Variants in PARD3B observed in about 807,000 individuals in gnomAD.
PARD3B encodes the protein partitioning defective 3 homolog B.
In PARD3B, 103 loss-of-function variants were observed where a neutral mutation model predicts 130.2. That is an observed-to-expected ratio of 0.79 (90% CI 0.67 to 0.93). The LOEUF (loss-of-function observed/expected upper bound fraction) is 0.93. Among genes scored for constraint, PARD3B ranks in the 40% least tolerant of loss-of-function variants. PARD3B has a pLI of 0.00. For synonymous variants in PARD3B, 583 were observed against 553.2 expected, an observed-to-expected ratio of 1.05 and a Z score of -0.76; for missense variants, 1,609 against 1,499.2, an observed-to-expected ratio of 1.07 and a Z score of -1.21.
Position 205,276,781 on chromosome 2 carries a change from G to A in PARD3B, c.2186-23749G>A, listed in dbSNP as rs937302957. ...TGCTAGAGAGACCTATAGATTGGTG[G>A]TTAACCACATGGATATTGCTGTCAG... On this transcript the variant is annotated intron_variant, in intron 16 of 22. Coordinates refer to ENST00000406610, the MANE Select transcript of PARD3B (RefSeq NM_001302769.2). This position sits in a 1 kb window ranked among gnomAD's most constrained non-coding sequence, Gnocchi z 5.0. Among the ~76,000 whole-genome samples the A allele has an allele frequency of 2.0e-5, 3 of 152,208 alleles. No homozygotes were observed. The highest frequency in any genetic ancestry group is 2.9e-5 in the Non-Finnish European group (2 of 68,042).
intron 2 of PARD3B, among the ~76,000 whole-genome samples, chr2:204,841,285 G>A (rs2044251841): frequency 6.6e-6 from 1 of 152,048 alleles, no homozygotes; most frequent in African/African-American, 2.4e-5. Flanking sequence ...AGCCTCAAGG[G>A]TATCCTTGGG....
At chr2:204,603,506 C>G (rs974293359) in intron 1 of PARD3B, among the ~76,000 whole-genome samples, 1 of 152,012 alleles carries the variant, frequency 6.6e-6, no homozygotes, top group Non-Finnish European at 1.5e-5. Flanking sequence ...TGAGGACTAT[C>G]AGGAACAGAT....
chr2:204,731,539 G>C (rs1438501598), intron 2 of PARD3B, among the ~76,000 whole-genome samples: 2 of 152,144 alleles, frequency 1.3e-5, no homozygotes, highest in Non-Finnish European at 2.9e-5. Flanking sequence ...GACCCGTTTA[G>C]GAGTTTATTT....
chr2:205,008,244 T>C (rs1164037722), intron 3 of PARD3B, among the ~76,000 whole-genome samples: 1 of 152,048 alleles, frequency 6.6e-6, no homozygotes, highest in African/African-American at 2.4e-5. Flanking sequence ...AAATAATGCA[T>C]AGTCGTGATA....
intron 2 of PARD3B, among the ~76,000 whole-genome samples, chr2:204,863,698 A>G (rs2045303265): frequency 6.6e-6 from 1 of 152,224 alleles, no homozygotes; most frequent in South Asian, 2.1e-4. Context: ...CCTTTAGGCC[A>G]TATAGATAGA....
intron 2 of PARD3B, among the ~76,000 whole-genome samples, chr2:204,911,041 T>C (rs1351942432): frequency 6.6e-6 from 1 of 152,220 alleles, no homozygotes; most frequent in Non-Finnish European, 1.5e-5. Flanking sequence ...TTTAATATTA[T>C]TACATTGCTC....
In PARD3B at chr2:204,961,823, G is replaced by A. The variant is rs191739093; in HGVS notation, c.223-3329G>A. On this transcript the variant is annotated intron_variant, in intron 2 of 22. Coordinates refer to ENST00000406610, the MANE Select transcript of PARD3B (RefSeq NM_001302769.2). Reference sequence around the variant, plus strand: ...AAGTAAAGCCAGAGAAGCACCTTTGGATTTAGGAATCTAGAGATTATTTTT... The same window carrying A: ...AAGTAAAGCCAGAGAAGCACCTTTGAATTTAGGAATCTAGAGATTATTTTT... Among the ~76,000 whole-genome samples, 1,129 of 152,230 alleles carry A rather than the reference G, an allele frequency of 7.4e-3. 15 individuals carry two copies. The highest frequency in any genetic ancestry group is 0.026 in the African/African-American group (1,076 of 41,544).
At position 205,577,856 on chromosome 2, in the gene PARD3B, A is replaced by T. The variant is rs1292473546; in HGVS notation, c.3260+24453A>T. Among the ~76,000 whole-genome samples, 3 of 152,216 alleles carry T rather than the reference A, an allele frequency of 2.0e-5. No homozygotes were observed. The East Asian group carries it at 5.8e-4, about 29-fold the overall frequency. The stretch of plus-strand genomic sequence containing the variant: ...AGTATTTGGCCTGTCTTGTGGATTG[A>T]TTCAGAACTACCCATTGCTTTCCAA... On this transcript the variant is annotated intron_variant, in intron 22 of 22. Coordinates refer to ENST00000406610, the MANE Select transcript of PARD3B (RefSeq NM_001302769.2).
intron 1 of PARD3B, among the ~76,000 whole-genome samples, chr2:204,656,389 CAT>C (rs1295030030): frequency 4.0e-5 from 6 of 149,228 alleles, no homozygotes; most frequent in African/African-American, 1.5e-4. Context: ...AACAAACAAA[CAT>C]GTATGGGCAG....
chr2:205,411,160 T>A (rs998676758), intron 19 of PARD3B, among the ~76,000 whole-genome samples: 1 of 152,146 alleles, frequency 6.6e-6, no homozygotes, highest in Non-Finnish European at 1.5e-5. Context: ...CTATACTGCA[T>A]AGGACAGCCC....
At chr2:205,010,066 T>C (rs1267363694) in intron 3 of PARD3B, among the ~76,000 whole-genome samples, 1 of 152,234 alleles carries the variant, frequency 6.6e-6, no homozygotes, top group East Asian at 1.9e-4. Context: ...TGAACCAATA[T>C]AGTAATATTT....
At chr2:205,545,317 A>G (rs1233043597) in intron 21 of PARD3B, among the ~76,000 whole-genome samples, 1 of 152,232 alleles carries the variant, frequency 6.6e-6, no homozygotes, top group African/African-American at 2.4e-5. Flanking sequence ...TATAACTTTT[A>G]GAAGTTTTTA....
At chr2:205,507,008 G>A (rs940668209) in intron 21 of PARD3B, among the ~76,000 whole-genome samples, 1 of 151,960 alleles carries the variant, frequency 6.6e-6, no homozygotes, top group Admixed American at 6.6e-5. Flanking sequence ...TTCTCAAGGG[G>A]CTACCTGAGG....
At chr2:204,762,511 A>G (rs1217453652) in intron 2 of PARD3B, among the ~76,000 whole-genome samples, 3 of 152,154 alleles carry the variant, frequency 2.0e-5, no homozygotes, top group Non-Finnish European at 4.4e-5. Context: ...AGTAAATTTA[A>G]ATTTAAGCCT....
At chr2:205,353,444 C>T (rs992468027) in intron 18 of PARD3B, among the ~76,000 whole-genome samples, 1 of 152,138 alleles carries the variant, frequency 6.6e-6, no homozygotes, top group African/African-American at 2.4e-5. Flanking sequence ...ATCATAGTTC[C>T]ATCAACATGA....
At chr2:205,404,614 C>T (rs779872311) in intron 19 of PARD3B, among the ~76,000 whole-genome samples, 2 of 152,052 alleles carry the variant, frequency 1.3e-5, no homozygotes, top group Non-Finnish European at 1.5e-5. Context: ...GATCAATATA[C>T]GATAAACTAT....
chr2:205,316,972 G>A (rs1435465500), intron 18 of PARD3B, among the ~76,000 whole-genome samples: 1 of 152,096 alleles, frequency 6.6e-6, no homozygotes, highest in African/African-American at 2.4e-5. Context: ...TTAGTACTTG[G>A]TTGGGAGATA....
At chr2:205,580,418 G>T (rs1244908554) in intron 22 of PARD3B, among the ~76,000 whole-genome samples, 2 of 152,066 alleles carry the variant, frequency 1.3e-5, no homozygotes, top group Non-Finnish European at 2.9e-5. Flanking sequence ...CGGTAATAAT[G>T]GGAATGACAT....
rs78038205 is a variant in PARD3B, at chr2:205,512,603, G to A, written c.3180+12572G>A. ...GTTTTTTTCATTCAGTGAATACTCA[G>A]CAATTTATGAATGCCTAGGAAAATG... On this transcript the variant is annotated intron_variant, in intron 21 of 22. Coordinates refer to ENST00000406610, the MANE Select transcript of PARD3B (RefSeq NM_001302769.2). 6.6e-5 allele frequency among the ~76,000 whole-genome samples: 10 copies of A among 152,188 alleles called. No individual in the cohort carries two copies. In the East Asian group the frequency reaches 1.9e-3, roughly 29 times the overall value.
Sources: allele counts gnomAD v4.1 joint callset (sites outside exome capture counted in the v4.1 genomes callset), GRCh38; gene constraint gnomAD v4.1.1; non-coding constraint Gnocchi (gnomAD v3.1); transcripts MANE v1.5; gene names NCBI Gene and HGNC (gene_info 2026-07-23, HGNC 2026-07-21).